DRC8: variants seen among roughly 807,000 people sequenced by gnomAD.
The protein encoded by DRC8 is dynein regulatory complex subunit 8, also known as dynein regulatory complex protein 8.
At chr1:245,027,850 G>T in the DRC8 span, among the ~76,000 whole-genome samples, 3 of 145,714 alleles carry the variant, frequency 2.1e-5, no homozygotes, top group African/African-American at 7.5e-5. Context: ...ATTTATTTTT[G>T]TGTGTTGATT....
the DRC8 span, chr1:245,121,936 T>C: frequency 2.4e-6 from 1 of 419,018 alleles, no homozygotes; most frequent in Non-Finnish European, 4.6e-6. Flanking sequence ...TTTCGCTCCG[T>C]CGCCCAGGCT....
the DRC8 span, among the ~76,000 whole-genome samples, chr1:245,053,962 C>CA: frequency 6.6e-6 from 1 of 152,150 alleles, no homozygotes; most frequent in Non-Finnish European, 1.5e-5. Context: ...AAGGCCCTCC[C>CA]ACCCTCTCAG....
the DRC8 span, among the ~76,000 whole-genome samples, chr1:245,016,112 G>A: frequency 6.6e-6 from 1 of 151,564 alleles, no homozygotes; most frequent in African/African-American, 2.4e-5. Context: ...CTCCCAACTT[G>A]CTGGGATTAC....
At chr1:245,122,553 G>T in the DRC8 span, 1 of 152,014 alleles carries the variant, frequency 6.6e-6, no homozygotes, top group South Asian at 2.1e-4. Context: ...CGACCTCCTG[G>T]ACTCAAGGGG....
the DRC8 span, among the ~76,000 whole-genome samples, chr1:245,065,485 T>C: frequency 2.0e-5 from 3 of 152,196 alleles, no homozygotes; most frequent in Admixed American, 6.5e-5. Flanking sequence ...AGTAGCTTGT[T>C]TTTGTTCTTT....
the DRC8 span, among the ~76,000 whole-genome samples, chr1:245,086,036 GA>G: frequency 3.3e-5 from 5 of 152,228 alleles, no homozygotes; most frequent in Admixed American, 6.5e-5. Context: ...GAGACAGTGC[GA>G]CCACGTGGTT....
the DRC8 span, among the ~76,000 whole-genome samples, chr1:245,066,122 A>G: frequency 6.6e-6 from 1 of 152,028 alleles, no homozygotes; most frequent in Non-Finnish European, 1.5e-5. Flanking sequence ...TCAGCTTCCA[A>G]AATTTTATTC....
chr1:245,077,939 A>C, the DRC8 span, among the ~76,000 whole-genome samples: 1 of 152,190 alleles, frequency 6.6e-6, no homozygotes, highest in Non-Finnish European at 1.5e-5. Context: ...AATGGGAGAA[A>C]ATGTTGCAAA....
the DRC8 span, among the ~76,000 whole-genome samples, chr1:245,059,940 G>A: frequency 6.6e-6 from 1 of 152,214 alleles, no homozygotes; most frequent in Non-Finnish European, 1.5e-5. Context: ...GATCCCATAA[G>A]GCAGTGGATG....
the DRC8 span, among the ~76,000 whole-genome samples, chr1:245,065,741 TCA>T: frequency 1.3e-5 from 2 of 151,912 alleles, no homozygotes; most frequent in Non-Finnish European, 2.9e-5. Flanking sequence ...AATCTGGGAA[TCA>T]CCCGCATCGG....
chr1:245,003,621 G>A, the DRC8 span, among the ~76,000 whole-genome samples: 1 of 152,108 alleles, frequency 6.6e-6, no homozygotes. Flanking sequence ...ATGGGGTTTT[G>A]CTCTGTTGAG....
chr1:245,106,354 A>G, the DRC8 span, among the ~76,000 whole-genome samples: 719 of 152,336 alleles, frequency 4.7e-3, 5 homozygotes, highest in African/African-American at 0.017. Context: ...GGTTTCAAAT[A>G]TCATAGGGTT....
chr1:245,111,905 G>A, the DRC8 span, among the ~76,000 whole-genome samples: 1 of 152,094 alleles, frequency 6.6e-6, no homozygotes, highest in African/African-American at 2.4e-5. Context: ...GGTGTGGCAC[G>A]CACCTGTAGT....
chr1:245,056,353 T>C, the DRC8 span, among the ~76,000 whole-genome samples: 5 of 152,194 alleles, frequency 3.3e-5, no homozygotes, highest in Non-Finnish European at 4.4e-5. Flanking sequence ...TGGAGAGCAG[T>C]GGTGCCATCT....
chr1:245,052,741 T>C, the DRC8 span, among the ~76,000 whole-genome samples: 1 of 152,160 alleles, frequency 6.6e-6, no homozygotes, highest in Non-Finnish European at 1.5e-5. Flanking sequence ...GGTTTTAGAA[T>C]GTGAGAGTGA....
the DRC8 span, among the ~76,000 whole-genome samples, chr1:244,986,535 G>A: frequency 6.6e-6 from 1 of 152,126 alleles, no homozygotes; most frequent in East Asian, 1.9e-4. Flanking sequence ...AGCCATTGGA[G>A]CTTTTTAAAC....
At chr1:244,985,417 T>G in the DRC8 span, among the ~76,000 whole-genome samples, 1 of 152,336 alleles carries the variant, frequency 6.6e-6, no homozygotes. Flanking sequence ...TGGTAAAGGA[T>G]GTTGTGGAGA....
the DRC8 span, among the ~76,000 whole-genome samples, chr1:245,047,297 C>G: frequency 1.3e-5 from 2 of 152,264 alleles, no homozygotes; most frequent in South Asian, 4.1e-4. Flanking sequence ...TATGGATTAT[C>G]TACTGTATTC....
chr1:245,067,530 G>A, the DRC8 span, among the ~76,000 whole-genome samples: 3 of 152,126 alleles, frequency 2.0e-5, no homozygotes, highest in African/African-American at 7.2e-5. Flanking sequence ...TTTCATCTTG[G>A]ATGGAAAGTA....
Sources: gnomAD v4.1 joint callset for allele counts (sites outside exome capture counted in the v4.1 genomes callset) on GRCh38, gnomAD v4.1.1 for gene constraint, MANE v1.5 for transcripts, NCBI Gene and HGNC (gene_info 2026-07-23, HGNC 2026-07-21) for gene names.